The following NLGN1 variants were observed in gnomAD, a reference collection of about 807,000 sequenced individuals.
NLGN1 encodes the protein neuroligin 1.
NLGN1 carries 12 observed loss-of-function variants against 65.5 expected under a neutral mutation model. The observed-to-expected ratio is 0.18, with a 90% CI of 0.12 to 0.30. NLGN1 has a LOEUF of 0.30. NLGN1 is among the 10% of genes least tolerant of loss of function. NLGN1 has a pLI of 1.00. For synonymous variants in NLGN1, 350 were observed against 359.5 expected, an observed-to-expected ratio of 0.97 and a Z score of 0.30; for missense variants, 750 against 1,007.1, an observed-to-expected ratio of 0.74 and a Z score of 3.46.
intron 4 of NLGN1, among the ~76,000 whole-genome samples, chr3:174,238,556 T>C (rs1440548234): frequency 6.6e-6 from 1 of 151,994 alleles, no homozygotes; most frequent in Non-Finnish European, 1.5e-5. Flanking sequence ...AGAGATGGGG[T>C]TTTACCACGT....
intron 3 of NLGN1, among the ~76,000 whole-genome samples, chr3:173,786,757 A>AAT (rs1463721711): frequency 6.6e-6 from 1 of 152,140 alleles, no homozygotes; most frequent in African/African-American, 2.4e-5. Flanking sequence ...ATTCAAAGGA[A>AAT]ATATATATAG....
At chr3:173,816,412 C>T (rs956632833) in intron 4 of NLGN1, among the ~76,000 whole-genome samples, 4 of 152,184 alleles carry the variant, frequency 2.6e-5, no homozygotes, top group African/African-American at 9.6e-5. Flanking sequence ...AGTGGTGGAA[C>T]CAGGATTCTA....
chr3:174,207,468 GA>G (rs1323685027), intron 4 of NLGN1, among the ~76,000 whole-genome samples: 3 of 152,126 alleles, frequency 2.0e-5, no homozygotes, highest in Non-Finnish European at 4.4e-5. Flanking sequence ...AGCTCAATTA[GA>G]AATAAAATGA....
intron 4 of NLGN1, among the ~76,000 whole-genome samples, chr3:173,814,044 C>A (rs1222982261): frequency 1.3e-5 from 2 of 152,238 alleles, no homozygotes; most frequent in Non-Finnish European, 2.9e-5. Flanking sequence ...AGGGCTAGGC[C>A]TGTGTCCTCC....
chr3:173,705,862 C>A (rs1767970034), intron 3 of NLGN1, among the ~76,000 whole-genome samples: 1 of 151,960 alleles, frequency 6.6e-6, no homozygotes, highest in Non-Finnish European at 1.5e-5. Context: ...GACCTTGTGA[C>A]AGTCAGTTGT....
chr3:173,771,016 C>T (rs1779498109), intron 3 of NLGN1, among the ~76,000 whole-genome samples: 1 of 152,186 alleles, frequency 6.6e-6, no homozygotes, highest in Admixed American at 6.5e-5. Context: ...AGCGTTCTTT[C>T]ACCTTTCACC....
chr3:173,657,638 G>C lies in NLGN1; in HGVS notation c.493+52547G>C, dbSNP rs1182909986. 4.0e-5 allele frequency among the ~76,000 whole-genome samples: 6 copies of C among 151,660 alleles called. No individual in the cohort carries two copies. The Admixed American group carries it at 4.0e-4, about 10-fold the overall frequency. On this transcript the variant is annotated intron_variant, in intron 3 of 6. Transcript: ENST00000457714. ...AGTTGCAAACTTGGTTCACACTCTT[G>C]TTTTATGATGTTTTAAAATGTGATG...
intron 3 of NLGN1, among the ~76,000 whole-genome samples, chr3:173,609,363 T>C (rs1036533150): frequency 6.6e-6 from 1 of 152,010 alleles, no homozygotes; most frequent in South Asian, 2.1e-4. Flanking sequence ...TCATTTACTC[T>C]TTGAGCATTT....
chr3:173,763,876 C>A (rs113562193), intron 3 of NLGN1, among the ~76,000 whole-genome samples: 18 of 152,176 alleles, frequency 1.2e-4, no homozygotes, highest in African/African-American at 4.3e-4. Flanking sequence ...CCTCACAACC[C>A]ACTTACCCTT....
intron 2 of NLGN1, among the ~76,000 whole-genome samples, chr3:173,462,274 A>G (rs922912781): frequency 6.6e-6 from 1 of 152,136 alleles, no homozygotes; most frequent in South Asian, 2.1e-4. Context: ...TACATATTAC[A>G]TGCTCAATAA....
intron 4 of NLGN1, among the ~76,000 whole-genome samples, chr3:174,271,289 T>TAAAC (rs1335997502): frequency 2.6e-5 from 3 of 113,728 alleles, no homozygotes; most frequent in East Asian, 5.1e-4. Flanking sequence ...ATCTCAAATG[T>TAAAC]AAACAGTCTG....
chr3:173,478,257 A>T (rs558507181), intron 2 of NLGN1, among the ~76,000 whole-genome samples: 12 of 152,202 alleles, frequency 7.9e-5, no homozygotes, highest in Middle Eastern at 3.2e-3. Flanking sequence ...TTGCAGAGAC[A>T]TGGTTGGATC....
At position 173,788,206 on chromosome 3, in the gene NLGN1, CAAAAA is replaced by C. The variant is rs537790655; in HGVS notation, c.494-19457_494-19453del. ...CTATAAACCCAGACTTGACATTTTGCAAAAAAAAAAAAAAAAAAAAAGAAAAAGTT... is the reference window on the plus strand; with the variant it reads ...CTATAAACCCAGACTTGACATTTTGCAAAAAAAAAAAAAAAAGAAAAAGTT... On this transcript the variant is annotated intron_variant, in intron 3 of 6. Coordinates refer to ENST00000457714, the Ensembl canonical transcript of NLGN1. Among the ~76,000 whole-genome samples, 273 of 60,844 alleles carry C rather than the reference CAAAAA, an allele frequency of 4.5e-3. 2 individuals are homozygous for C. The highest frequency in any genetic ancestry group is 0.014 in the African/African-American group (251 of 18,548). The allele number at this position is 60,844 out of a possible 152,430, so 39.9% of individuals were successfully genotyped here. A position where few individuals can be genotyped will look rare whatever the true frequency, so the allele number is the denominator to read the frequency against.
chr3:173,532,343 A>G (rs947531201), intron 2 of NLGN1, among the ~76,000 whole-genome samples: 4 of 152,198 alleles, frequency 2.6e-5, no homozygotes, highest in Non-Finnish European at 4.4e-5. Context: ...TTCAAGGTAT[A>G]GCTATTTCCA....
At chr3:173,548,299 T>C (rs1740241176) in intron 2 of NLGN1, among the ~76,000 whole-genome samples, 1 of 152,124 alleles carries the variant, frequency 6.6e-6, no homozygotes, top group South Asian at 2.1e-4. Flanking sequence ...TTTGATGACA[T>C]TTGACCAAGG....
At chr3:173,557,908 A>G (rs1741976140) in intron 2 of NLGN1, among the ~76,000 whole-genome samples, 2 of 151,858 alleles carry the variant, frequency 1.3e-5, no homozygotes, top group Non-Finnish European at 2.9e-5. Flanking sequence ...TTCCTTTGGC[A>G]TTTTTCTTGT....
At chr3:174,039,467 C>G (rs1311131028) in intron 4 of NLGN1, among the ~76,000 whole-genome samples, 1 of 151,936 alleles carries the variant, frequency 6.6e-6, no homozygotes, top group Non-Finnish European at 1.5e-5. Context: ...AGTTCCCCTC[C>G]CTGTGTCCAT....
intron 4 of NLGN1, among the ~76,000 whole-genome samples, chr3:174,082,382 G>C (rs572817579): frequency 8.5e-5 from 13 of 152,126 alleles, no homozygotes; most frequent in African/African-American, 2.6e-4. Flanking sequence ...AATTTAAATA[G>C]GGAGGGTAGA....
intron 3 of NLGN1, among the ~76,000 whole-genome samples, chr3:173,662,170 T>A (rs4894451): frequency 0.41 from 62,293 of 151,864 alleles, 13,596 homozygotes; most frequent in African/African-American, 0.57. Flanking sequence ...CAAGCATTGA[T>A]GACAAAGAAC....
Sources: allele counts gnomAD v4.1 joint callset (sites outside exome capture counted in the v4.1 genomes callset), GRCh38; gene constraint gnomAD v4.1.1; transcripts MANE v1.5; gene names NCBI Gene and HGNC (gene_info 2026-07-23, HGNC 2026-07-21).